The following KIAA1217 variants were observed in gnomAD, a reference collection of about 807,000 sequenced individuals.
The protein encoded by KIAA1217 is KIAA1217.
A neutral mutation model predicts 163.9 loss-of-function variants in KIAA1217; 88 were observed. That is an observed-to-expected ratio of 0.54 (90% CI 0.45 to 0.64). The LOEUF (loss-of-function observed/expected upper bound fraction) is 0.64. KIAA1217 is among the 30% of genes least tolerant of loss of function. KIAA1217 has a pLI of 0.00. For missense variants in KIAA1217, 2,372 were observed against 2,475.0 expected, an observed-to-expected ratio of 0.96 and a Z score of 0.88; for synonymous variants, 903 against 923.1, an observed-to-expected ratio of 0.98 and a Z score of 0.39.
intron 2 of KIAA1217, among the ~76,000 whole-genome samples, chr10:24,062,192 G>T (rs1213616682): frequency 6.6e-6 from 1 of 151,448 alleles, no homozygotes; most frequent in African/African-American, 2.4e-5. Context: ...CAAGGTGCAG[G>T]TTTGTTACAT....
chr10:23,847,100 A>G (rs923657912), intron 1 of KIAA1217, among the ~76,000 whole-genome samples: 64 of 152,066 alleles, frequency 4.2e-4, no homozygotes, highest in African/African-American at 1.4e-3. Flanking sequence ...TGATTGTGGT[A>G]CATAAGCTTT....
At position 23,857,060 on chromosome 10, in the gene KIAA1217, C is replaced by T. The variant is rs548207940; in HGVS notation, c.-320-150165C>T. ...CTGGCACTCCCTAGTGAGATGAACCCGGTACCTCAGATGGAAATGCAGAAA... is the reference window on the plus strand; with the variant it reads ...CTGGCACTCCCTAGTGAGATGAACCTGGTACCTCAGATGGAAATGCAGAAA... On this transcript the variant is annotated intron_variant, in intron 1 of 18. Transcript: ENST00000376462. Among the ~76,000 whole-genome samples the T allele has an allele frequency of 4.2e-3, 638 of 152,354 alleles. 3 individuals carry two copies. The highest frequency in any genetic ancestry group is 6.8e-3 in the Middle Eastern group (2 of 294).
intron 2 of KIAA1217, among the ~76,000 whole-genome samples, chr10:24,010,793 G>A (rs1287431449): frequency 1.3e-5 from 2 of 151,928 alleles, no homozygotes; most frequent in African/African-American, 2.4e-5. Flanking sequence ...AGGCTTTTCT[G>A]GCCCTGGACA....
chr10:24,342,753 G>A (rs1360100255), intron 2 of KIAA1217, among the ~76,000 whole-genome samples: 1 of 150,672 alleles, frequency 6.6e-6, no homozygotes, highest in East Asian at 2.0e-4. Flanking sequence ...CCGCCTCCCA[G>A]GTTCAAGCGA....
At chr10:23,944,779 C>T (rs148051173) in intron 1 of KIAA1217, among the ~76,000 whole-genome samples, 7 of 152,226 alleles carry the variant, frequency 4.6e-5, no homozygotes, top group African/African-American at 9.6e-5. Context: ...GTTAAACAAG[C>T]TGGGTGCAGT....
At chr10:24,372,068 G>A (rs11014065) in intron 2 of KIAA1217, among the ~76,000 whole-genome samples, 18,308 of 152,116 alleles carry the variant, frequency 0.12, 1,263 homozygotes, top group South Asian at 0.3. Flanking sequence ...GAGGCAGGAG[G>A]AGAGCAAGGG....
At chr10:24,229,416 G>C (rs1036643635) in intron 2 of KIAA1217, among the ~76,000 whole-genome samples, 19 of 152,232 alleles carry the variant, frequency 1.2e-4, no homozygotes, top group Non-Finnish European at 2.2e-4. Context: ...ATGGCGAAAT[G>C]ATGGGAGAAT....
At chr10:24,073,059 GA>G (rs532104668) in intron 2 of KIAA1217, among the ~76,000 whole-genome samples, 7,819 of 122,762 alleles carry the variant, frequency 0.064, 249 homozygotes, top group African/African-American at 0.12. Context: ...ACTCTGTCTT[GA>G]AAAAAAAAAA....
In KIAA1217 at chr10:24,527,957, GA is replaced by G. The variant is rs1276999337; in HGVS notation, c.2926del (p.Arg976GlyfsTer16). On this transcript the variant is annotated frameshift_variant, in exon 14 of 21. Transcript: ENST00000376454. LOFTEE classifies it high-confidence loss of function. ...SIEKAEKKWEEKRQNLDHYNG... is the reference protein window; with the variant it reads ...SIEKAEKKWEXKRQNLDHYNG... ...CCAGAAAGCAGAAAAGAAATGGGAG[GA>G]AAAAAGGCAAAATCTGGATCACTAT... is the stretch of plus-strand genomic sequence containing the variant. 1 of 1,613,774 alleles carries G rather than the reference GA, an allele frequency of 6.2e-7. No individual in the cohort carries two copies. Among genetic ancestry groups the G allele is most frequent in the Non-Finnish European group, 8.5e-7 (1 of 1,179,900 alleles).
At chr10:24,279,351 A>C (rs1354608908) in intron 2 of KIAA1217, among the ~76,000 whole-genome samples, 1 of 151,580 alleles carries the variant, frequency 6.6e-6, no homozygotes, top group African/African-American at 2.4e-5. Context: ...AGCATCCTTG[A>C]CTTCAAAGTC....
At chr10:23,737,784 G>A (rs1243656645) in intron 1 of KIAA1217, among the ~76,000 whole-genome samples, 1 of 151,544 alleles carries the variant, frequency 6.6e-6, no homozygotes, top group South Asian at 2.1e-4. Context: ...AGTACTTTTA[G>A]GTAGAGAACT....
chr10:24,520,067 C>G, intron 10 of KIAA1217, 56 bp from the exon 11 acceptor site: 1 of 1,556,426 alleles, frequency 6.4e-7, no homozygotes, highest in Non-Finnish European at 8.7e-7. Context: ...GGCCCCTCCT[C>G]TTCCTCTGTG....
Position 24,473,351 on chromosome 10 carries a change from C to T in KIAA1217, c.970C>T (p.Pro324Ser). Residue 324 changes from proline (P) to serine (S), a missense_variant, in exon 6 of 21, where the codon CCC becomes TCC. Pro to Ser is a moderately conservative substitution (Grantham distance 74). Around this residue, in one of 3 missense-constraint regions of KIAA1217, gnomAD observed 1,431 missense variants for 1,470.3 expected, o/e 0.97. Transcript: ENST00000376454. The stretch of plus-strand genomic sequence containing the variant: ...GTCTACTCCAGTGCCCCATTCCATG[C>T]CCCCCTCCCCGTCCAGAATTCCTTA... ...PPSTPVPHSMPPSPSRIPYGG... is the reference protein window; with the variant it reads ...PPSTPVPHSMSPSPSRIPYGG... 1 of 1,599,838 alleles carries T rather than the reference C, an allele frequency of 6.3e-7. No individual in the cohort carries two copies. The highest frequency in any genetic ancestry group is 8.5e-7 in the Non-Finnish European group (1 of 1,172,520).
intron 1 of KIAA1217, among the ~76,000 whole-genome samples, chr10:23,871,054 G>A (rs547741144): frequency 1.4e-5 from 2 of 142,874 alleles, no homozygotes; most frequent in African/African-American, 5.2e-5. Context: ...ACTTTCCTCC[G>A]TCCTTTCACA....
At chr10:24,096,736 G>A (rs921564837) in intron 2 of KIAA1217, among the ~76,000 whole-genome samples, 6 of 152,090 alleles carry the variant, frequency 3.9e-5, no homozygotes, top group African/African-American at 1.4e-4. Context: ...TCAGGCCTCA[G>A]CTGAAATGCC....
At chr10:23,946,411 GGGTTC>G in intron 1 of KIAA1217, among the ~76,000 whole-genome samples, 1 of 151,606 alleles carries the variant, frequency 6.6e-6, no homozygotes, top group Non-Finnish European at 1.5e-5. Flanking sequence ...TTTATTTCAG[GGGTTC>G]AGATCTGTGT....
At chr10:24,448,923 AATAATG>A (rs1166899431) in intron 5 of KIAA1217, among the ~76,000 whole-genome samples, 2 of 152,250 alleles carry the variant, frequency 1.3e-5, no homozygotes, top group Non-Finnish European at 2.9e-5. Flanking sequence ...CTCAATAATC[AATAATG>A]ATACAGACAT....
chr10:23,787,619 A>G (rs564300142), intron 1 of KIAA1217, among the ~76,000 whole-genome samples: 8 of 152,322 alleles, frequency 5.3e-5, no homozygotes, highest in African/African-American at 1.7e-4. Context: ...GAAGCATGCC[A>G]CTGGAGGAGT....
At chr10:24,359,096 T>G (rs1320822650) in intron 2 of KIAA1217, among the ~76,000 whole-genome samples, 2 of 145,056 alleles carry the variant, frequency 1.4e-5, no homozygotes, top group African/African-American at 5.1e-5. Context: ...TTTTTTTTTT[T>G]TTTGTTTTTT....
Sources: gnomAD v4.1 joint callset for allele counts (sites outside exome capture counted in the v4.1 genomes callset) on GRCh38, gnomAD v4.1.1 for gene constraint, gnomAD v4.1.1 regional missense constraint, MANE v1.5 for transcripts, NCBI Gene and HGNC (gene_info 2026-07-23, HGNC 2026-07-21) for gene names.